Variants in NEK5 observed in about 807,000 individuals in gnomAD.
The protein encoded by NEK5 is serine/threonine-protein kinase Nek5.
Under a neutral mutation model 109.2 loss-of-function variants are expected in NEK5, and 88 were observed. That is an observed-to-expected ratio of 0.81 (90% CI 0.68 to 0.96). NEK5 has a LOEUF of 0.96. Ranked by LOEUF, NEK5 falls within the 40% of genes least tolerant of loss-of-function variation. The pLI, the probability that NEK5 is intolerant of heterozygous loss-of-function variation, is 0.00. For synonymous variants in NEK5, 283 were observed against 299.9 expected (o/e 0.94, Z 0.58); for missense variants, 834 against 920.7 (o/e 0.91, Z 1.22).
chr13:52,104,364 A>C, intron 9 of NEK5, 134 bp downstream of exon 9: 1 of 727,880 alleles, frequency 1.4e-6, no homozygotes, highest in Non-Finnish European at 2.5e-6. Flanking sequence ...GTCATCTATC[A>C]TTATTTTAAG....
At chr13:52,091,853 T>C (rs1955290297) in intron 13 of NEK5, among the ~76,000 whole-genome samples, 1 of 152,248 alleles carries the variant, frequency 6.6e-6, no homozygotes, top group African/African-American at 2.4e-5. Flanking sequence ...TTAAGAATAC[T>C]ATTTTCTTTC....
chr13:52,046,394 A>T (rs1035672970), intron 23 of NEK5, among the ~76,000 whole-genome samples: 4 of 151,072 alleles, frequency 2.6e-5, no homozygotes, highest in Non-Finnish European at 5.9e-5. Flanking sequence ...CAGGAGGATC[A>T]CTTGAGCCCA....
At position 52,036,871 on chromosome 13, in the gene NEK5, G is replaced by A. The variant is rs1281995360; in HGVS notation, c.*77C>T. The A allele has an allele frequency of 1.5e-6, 1 of 653,162 alleles. No individual in the cohort carries two copies. Among genetic ancestry groups the A allele is most frequent in the Non-Finnish European group, 1.9e-6 (1 of 526,616 alleles). The allele number at this position is 653,162 out of a possible 1,614,324, so 40.5% of individuals were successfully genotyped here. ...TTACTAGAAAACCCTTACAGTAAAT[G>A]AGCATTTATGACTTGTACCCAAATA... On this transcript the variant is annotated 3_prime_UTR_variant, in exon 24 of 24. Coordinates refer to ENST00000684899, the MANE Select transcript of NEK5 (RefSeq NM_001365552.1).
intron 17 of NEK5, among the ~76,000 whole-genome samples, chr13:52,079,250 T>C (rs934692880): frequency 6.7e-6 from 1 of 148,532 alleles, no homozygotes; most frequent in Non-Finnish European, 1.5e-5. Context: ...AAGGAAGATG[T>C]CTTTTTAAAT....
intron 22 of NEK5, among the ~76,000 whole-genome samples, chr13:52,051,205 A>G (rs1013083327): frequency 6.7e-6 from 1 of 149,544 alleles, no homozygotes; most frequent in African/African-American, 2.5e-5. Flanking sequence ...GTTGCTTCCT[A>G]TCTTTTTGGC....
In NEK5 at chr13:52,110,562, C is replaced by T. The variant is rs1593992438; in HGVS notation, c.328G>A (p.Val110Ile). The change falls in exon 6 of 24, where the codon GTA (valine) becomes ATA (isoleucine). Residue 110 changes from valine to isoleucine, a missense_variant. Physicochemically the swap from Val to Ile is conservative, Grantham distance 29. Transcript: ENST00000684899. ...TGTTTTAGTCCTAGAGAAATCTGTACAAACCAACCGAGGATCTATAGAGAG... is the reference window on the plus strand; with the variant it reads ...TGTTTTAGTCCTAGAGAAATCTGTATAAACCAACCGAGGATCTATAGAGAG... ...FSEDQILGWF[V>I]QISLGLKHIH... 3 of 1,609,664 alleles carry T rather than the reference C, an allele frequency of 1.9e-6. No individual in the cohort carries two copies. Among genetic ancestry groups the T allele is most frequent in the Non-Finnish European group, 2.5e-6 (3 of 1,176,844 alleles).
intron 3 of NEK5, among the ~76,000 whole-genome samples, chr13:52,124,914 C>T (rs902405280): frequency 6.6e-6 from 1 of 152,008 alleles, no homozygotes; most frequent in African/African-American, 2.4e-5. Flanking sequence ...CCCAGGGCCT[C>T]GACAAAAGGA....
intron 18 of NEK5, 47 bp downstream of exon 18, chr13:52,076,016 C>G (rs1388924996): frequency 8.2e-7 from 1 of 1,226,876 alleles, no homozygotes; most frequent in South Asian, 1.3e-5. Flanking sequence ...AGGTGGCTCC[C>G]CAGCCAGCTA....
At chr13:52,117,911 C>T (rs1955893091) in intron 4 of NEK5, among the ~76,000 whole-genome samples, 1 of 152,186 alleles carries the variant, frequency 6.6e-6, no homozygotes, top group Non-Finnish European at 1.5e-5. Context: ...GAAAGATCAT[C>T]TTATAGCATT....
At chr13:52,079,130 G>T (rs1319889240) in intron 17 of NEK5, among the ~76,000 whole-genome samples, 1 of 152,208 alleles carries the variant, frequency 6.6e-6, no homozygotes, top group African/African-American at 2.4e-5. Context: ...GAAAAAAGCT[G>T]TGCTAGAAAC....
chr13:52,087,308 G>A, intron 15 of NEK5, 30 bp downstream of exon 15: 1 of 1,081,628 alleles, frequency 9.2e-7, no homozygotes. Flanking sequence ...AGAAATACAA[G>A]GGTAGCCCTG....
chr13:52,090,331 G>A (rs1955252699), intron 13 of NEK5, among the ~76,000 whole-genome samples: 1 of 152,140 alleles, frequency 6.6e-6, no homozygotes, highest in Non-Finnish European at 1.5e-5. Flanking sequence ...TCCAAAGACA[G>A]AACTGTAATT....
intron 13 of NEK5, among the ~76,000 whole-genome samples, chr13:52,090,322 C>G (rs937701010): frequency 3.3e-5 from 5 of 152,220 alleles, no homozygotes; most frequent in Middle Eastern, 3.4e-3. Flanking sequence ...TTCTAAGGCT[C>G]CAAAGACAGA....
At chr13:52,099,617 C>A (rs1186520628) in intron 12 of NEK5, 126 bp downstream of exon 12, 4 of 959,606 alleles carry the variant, frequency 4.2e-6, no homozygotes, top group Admixed American at 2.5e-5. Context: ...TTGCGGTGAG[C>A]CGAGATCGCG....
intron 13 of NEK5, 81 bp from the exon 14 acceptor site, chr13:52,089,394 G>A: frequency 2.3e-6 from 2 of 852,198 alleles, no homozygotes; most frequent in Non-Finnish European, 3.8e-6. Flanking sequence ...TTTCAGTTTA[G>A]TAATGAGATT....
Position 52,075,837 on chromosome 13 carries a change from G to T in NEK5, c.1654-11C>A. 3 of 1,203,716 alleles carry T rather than the reference G, an allele frequency of 2.5e-6. No homozygotes were observed. The highest frequency in any genetic ancestry group is 3.2e-5 in the Admixed American group (1 of 31,182). The allele number at this position is 1,203,716 out of a possible 1,614,324, so 74.6% of individuals were successfully genotyped here. On this transcript the variant is annotated splice_polypyrimidine_tract_variant and intron_variant, in intron 18 of 23. Transcript: ENST00000684899. ...AAATTTTACCCCCTTCTAGGAGAAA[G>T]CAAAAAAAAAAAAAAAGTTTAGCAA...
Position 52,083,247 on chromosome 13 carries a change from T to A in NEK5, c.1572+13A>T. 1 of 1,562,986 alleles carries A rather than the reference T, an allele frequency of 6.4e-7. No homozygotes were observed. The highest frequency in any genetic ancestry group is 8.8e-7 in the Non-Finnish European group (1 of 1,133,666). ...CACTGCAAGCACACACATCTGATCA[T>A]AGCCATCATTACCTGCACAGGTGCT... On this transcript the variant is annotated intron_variant, in intron 17 of 23. Transcript: ENST00000684899.
At chr13:52,100,413 C>T (rs186535271) in intron 11 of NEK5, among the ~76,000 whole-genome samples, 26 of 152,318 alleles carry the variant, frequency 1.7e-4, no homozygotes, top group Middle Eastern at 3.4e-3. Context: ...AGGCATGGGC[C>T]ACCAGGTCCA....
intron 23 of NEK5, among the ~76,000 whole-genome samples, chr13:52,046,115 A>G (rs1221931882): frequency 1.3e-5 from 2 of 151,398 alleles, no homozygotes; most frequent in East Asian, 3.9e-4. Flanking sequence ...GTAGTGTAAT[A>G]TGAATAAAGT....
Sources: allele counts gnomAD v4.1 joint callset (sites outside exome capture counted in the v4.1 genomes callset), GRCh38; gene constraint gnomAD v4.1.1; transcripts MANE v1.5; gene names NCBI Gene and HGNC (gene_info 2026-07-23, HGNC 2026-07-21).